Variants in TTN observed in about 807,000 individuals in gnomAD.
TTN encodes titin, also known as connectin.
In TTN, 1,525 loss-of-function variants were observed where a neutral mutation model predicts 3,223.0. The observed-to-expected ratio is 0.47, with a 90% confidence interval of 0.45 to 0.49. The LOEUF is 0.49. Among genes scored for constraint, TTN ranks in the 20% least tolerant of loss-of-function variants. TTN has a pLI of 0.00. For missense variants in TTN, 40,786 were observed against 43,424.0 expected (o/e 0.94, Z 5.40); for synonymous variants, 14,094 against 15,161.0 (o/e 0.93, Z 5.17).
chr2:178,560,871 T>C lies in TTN; in HGVS notation c.85261A>G (p.Ile28421Val), dbSNP rs371356428. The change falls in exon 326 of 363, where the codon ATA becomes GTA. Residue 28421 changes from isoleucine (I) to valine (V), a missense_variant. Physicochemically the swap from Ile to Val is conservative, Grantham distance 29. Transcript: ENST00000589042. ...ACATATTGCCCAGTGTCTCGTCTTATACAGTCTTTAACTGTTAACAAAGTA... is the reference window on the plus strand; with the variant it reads ...ACATATTGCCCAGTGTCTCGTCTTACACAGTCTTTAACTGTTAACAAAGTA... ...NHTLLTVKDC[I>V]RRDTGQYVLT... 3.7e-6 allele frequency: 6 copies of C among 1,613,628 alleles called. No homozygotes were observed. Among genetic ancestry groups the C allele is most frequent in the East Asian group, 4.5e-5 (2 of 44,790 alleles).
intron 344 of TTN, among the ~76,000 whole-genome samples, chr2:178,544,840 G>A (rs1696286861): frequency 6.6e-6 from 1 of 152,106 alleles, no homozygotes; most frequent in South Asian, 2.1e-4. Context: ...CTTTCACTGG[G>A]TTAGTATCAC....
chr2:178,713,088 T>G lies in TTN; in HGVS notation c.27046A>C (p.Arg9016=). The change falls in exon 93 of 363, where the codon AGA becomes CGA. Residue 9016 remains arginine, a synonymous_variant. Coordinates refer to ENST00000589042, the MANE Select transcript of TTN (RefSeq NM_001267550.2). ...TTTTACTGTTTTGTAAACTGACCTC[T>G]CACAGTCAAAGGAGCACTACATTCA... The part of the protein sequence containing the change: ...SDECSAPLTV[R]EPPSFVQKPD... 1 of 1,612,070 alleles carries G rather than the reference T, an allele frequency of 6.2e-7. No homozygotes were observed.
intron 292 of TTN, 40 bp from the exon 293 acceptor site, chr2:178,598,098 C>T: frequency 4.4e-6 from 7 of 1,585,518 alleles, no homozygotes; most frequent in Non-Finnish European, 6.0e-6. Context: ...TAGAATAGTT[C>T]TTTGTAGCTT....
At position 178,556,832 on chromosome 2, in the gene TTN, T is replaced by G; in HGVS notation, c.88306+16A>C. The G allele has an allele frequency of 6.2e-7, 1 of 1,612,102 alleles. No homozygotes were observed. Among genetic ancestry groups the G allele is most frequent in the African/African-American group, 1.3e-5 (1 of 75,050 alleles). ...GTTAAATAGCAATTTTGATTCAAAG[T>G]GCTAAGCATGCTTACCATAAGAATC... On this transcript the variant is annotated intron_variant, in intron 330 of 362. Transcript: ENST00000589042.
chr2:178,703,830 C>T (rs2075403423), intron 106 of TTN, among the ~76,000 whole-genome samples: 1 of 152,146 alleles, frequency 6.6e-6, no homozygotes, highest in South Asian at 2.1e-4. Context: ...GAGATCTTGT[C>T]CTTTCCTAGC....
At position 178,741,549 on chromosome 2, in the gene TTN, C is replaced by G; in HGVS notation, c.11684G>C (p.Ser3895Thr). The G allele has an allele frequency of 1.2e-6, 2 of 1,613,856 alleles. No individual in the cohort carries two copies. The highest frequency in any genetic ancestry group is 1.7e-6 in the Non-Finnish European group (2 of 1,179,810). Residue 3895 changes from serine (S) to threonine (T), a missense_variant, in exon 48 of 363, where the codon AGT becomes ACT. Ser to Thr is a moderately conservative substitution (Grantham distance 58). Coordinates refer to ENST00000589042, the MANE Select transcript of TTN (RefSeq NM_001267550.2). ...ACATATTGTCTTTCCATAGTCATTA[C>G]TGGCCATACATGTATACTCTCCCTC... ...EDEGEYTCMASNDYGKTICSA... is the reference protein window; with the variant it reads ...EDEGEYTCMATNDYGKTICSA...
Position 178,741,117 on chromosome 2 carries a change from G to C in TTN, c.12116C>G (p.Pro4039Arg), listed in dbSNP as rs752422428. ...CTCTGGTGTGGACTTTGCTTTGCAG[G>C]GGGTATCAGTCATGTCTGTGTCTTC... The part of the protein sequence containing the change: ...LLEDTDMTDT[P>R]CKAKSTPEAP... The change falls in exon 48 of 363, where the codon CCC (proline) becomes CGC (arginine). Residue 4039 changes from proline to arginine, a missense_variant. Transcript: ENST00000589042. 4.3e-6 allele frequency: 7 copies of C among 1,613,608 alleles called. No homozygotes were observed. Among genetic ancestry groups the C allele is most frequent in the Non-Finnish European group, 8.5e-7 (1 of 1,179,822 alleles).
Position 178,528,527 on chromosome 2 carries a change from C to T in TTN, c.107223+1G>A, listed in dbSNP as rs876658102. The T allele has an allele frequency of 6.2e-7, 1 of 1,602,224 alleles. No individual in the cohort carries two copies. The highest frequency in any genetic ancestry group is 8.5e-7 in the Non-Finnish European group (1 of 1,173,080). ...AATAATATATTCATAATTAAACTTA[C>T]TGGCAGGTTGTTTTTAAACCATTCG... On this transcript the variant is annotated splice_donor_variant, in intron 360 of 362. Transcript: ENST00000589042. LOFTEE classifies it high-confidence loss of function.
In TTN at chr2:178,548,362, G is replaced by A. The variant is rs751923958; in HGVS notation, c.93264C>T (p.Phe31088=). 11 of 1,613,726 alleles carry A rather than the reference G, an allele frequency of 6.8e-6. No individual in the cohort carries two copies. The highest frequency in any genetic ancestry group is 8.5e-6 in the Non-Finnish European group (10 of 1,179,832). ...CATACTCATTTACTGCAGAAACACG[G>A]AAATAGTACGGAACACCTTCGGCCA... ...NDLAEGVPYY[F]RVSAVNEYGV... is the part of the protein sequence containing the mutation. The change falls in exon 339 of 363, where the codon TTC becomes TTT. Residue 31088 remains phenylalanine (F), a synonymous_variant. Transcript: ENST00000589042. The surrounding 1 kb of genome is among the most constrained non-coding windows in gnomAD (Gnocchi z 4.3).
Position 178,612,969 on chromosome 2 carries a change from C to T in TTN, c.49752G>A (p.Glu16584=), listed in dbSNP as rs763652368. 3 of 1,612,746 alleles carry T rather than the reference C, an allele frequency of 1.9e-6. No individual in the cohort carries two copies. Among genetic ancestry groups the T allele is most frequent in the Non-Finnish European group, 1.7e-6 (2 of 1,179,258 alleles). Residue 16584 remains glutamate (E), a synonymous_variant, in exon 265 of 363, where the codon GAG becomes GAA. Coordinates refer to ENST00000589042, the MANE Select transcript of TTN (RefSeq NM_001267550.2). ...TCTTCAGCATTTCAATGACATAAGA[C>T]TCAATCTTTGCACCTCCATCATGTT... ...KPEHDGGAKI[E]SYVIEMLKTG...
chr2:178,728,531 G>A lies in TTN; in HGVS notation c.19395C>T (p.Ser6465=). The change falls in exon 66 of 363, where the codon AGC becomes AGT. Residue 6465 remains serine, a synonymous_variant. Coordinates refer to ENST00000589042, the MANE Select transcript of TTN (RefSeq NM_001267550.2). The part of the protein sequence containing the change: ...YTFKVENDFG[S]SSCDAYLRVL... ...CTCTTAAGTAGGCATCACAGCTACT[G>A]CTTCCGAAGTCATTTTCCACCTTGA... The A allele has an allele frequency of 6.2e-7, 1 of 1,612,202 alleles. No homozygotes were observed.
chr2:178,704,773 A>G lies in TTN; in HGVS notation c.29699T>C (p.Val9900Ala). 1 of 1,609,448 alleles carries G rather than the reference A, an allele frequency of 6.2e-7. No individual in the cohort carries two copies. Among genetic ancestry groups the G allele is most frequent in the Non-Finnish European group, 8.5e-7 (1 of 1,178,742 alleles). ...IQQRLSQTEP[V>A]TLIKDIENQT... is the part of the protein sequence containing the mutation. ...ATTTTCAATGTCCTTGATCAGAGTGACAGGCTAGGAGAATAAAGAATTAAA... is the reference window on the plus strand; with the variant it reads ...ATTTTCAATGTCCTTGATCAGAGTGGCAGGCTAGGAGAATAAAGAATTAAA... The change falls in exon 105 of 363, where the codon GTC becomes GCC. Residue 9900 changes from valine to alanine, a missense_variant. Physicochemically the swap from Val to Ala is moderately conservative, Grantham distance 64. Transcript: ENST00000589042.
intron 18 of TTN, 73 bp from the exon 19 acceptor site, chr2:178,782,675 G>A: frequency 6.2e-7 from 1 of 1,604,244 alleles, no homozygotes; most frequent in South Asian, 1.1e-5. Context: ...CAGTTAAATT[G>A]ACCATATAAT....
Position 178,667,452 on chromosome 2 carries a change from T to C in TTN, c.35703A>G (p.Pro11901=). 2.5e-6 allele frequency: 4 copies of C among 1,601,460 alleles called. No individual in the cohort carries two copies. Among genetic ancestry groups the C allele is most frequent in the Non-Finnish European group, 3.4e-6 (4 of 1,176,822 alleles). ...GTATTTGAAATATACCTTTAGTTGC[T>C]GGTGTTTCTCTCTTTTTAGGAATAG... The part of the protein sequence containing the change: ...YVTIPKKRET[P]ATKEPDTTRG... Residue 11901 remains proline, a synonymous_variant, in exon 161 of 363, where the codon CCA becomes CCG. Coordinates refer to ENST00000589042, the MANE Select transcript of TTN (RefSeq NM_001267550.2).
intron 99 of TTN, among the ~76,000 whole-genome samples, chr2:178,708,964 TTCATTTTC>T (rs2076257172): frequency 6.6e-6 from 1 of 152,214 alleles, no homozygotes; most frequent in African/African-American, 2.4e-5. Context: ...CATGGTCTAT[TTCATTTTC>T]TCAAGCGATG....
Position 178,568,944 on chromosome 2 carries a change from T to A in TTN, c.77188A>T (p.Ile25730Phe). 1.2e-6 allele frequency: 2 copies of A among 1,613,434 alleles called. No homozygotes were observed. The highest frequency in any genetic ancestry group is 1.7e-6 in the Non-Finnish European group (2 of 1,179,580). The change falls in exon 326 of 363, where the codon ATC (isoleucine) becomes TTC (phenylalanine). Residue 25730 changes from isoleucine (I) to phenylalanine (F), a missense_variant. Coordinates refer to ENST00000589042, the MANE Select transcript of TTN (RefSeq NM_001267550.2). ...TKPEHDGGSK[I>F]IQYIVEMQAK... is the part of the protein sequence containing the mutation. ...TGCATTTCCACAATATACTGAATGA[T>A]TTTACTGCCACCATCATGTTCAGGT...
Position 178,730,126 on chromosome 2 carries a change from T to C in TTN, c.18274A>G (p.Thr6092Ala), listed in dbSNP as rs1257068599. Reference protein sequence around the residue: ...YICQLSNDVGTATSKATLFVK... With the variant: ...YICQLSNDVGAATSKATLFVK... ...AAGAGAGTGGCTTTGCTGGTTGCTGTGCCAACATCATTGCTTAGTTGGCAA... is the reference window on the plus strand; with the variant it reads ...AAGAGAGTGGCTTTGCTGGTTGCTGCGCCAACATCATTGCTTAGTTGGCAA... Residue 6092 changes from threonine to alanine, a missense_variant, in exon 62 of 363, where the codon ACA (threonine) becomes GCA (alanine). Coordinates refer to ENST00000589042, the MANE Select transcript of TTN (RefSeq NM_001267550.2). The C allele has an allele frequency of 6.2e-7, 1 of 1,613,048 alleles. No homozygotes were observed.
At chr2:178,704,043 T>A (rs2075445681) in intron 106 of TTN, 104 bp downstream of exon 106, 2 of 1,425,644 alleles carry the variant, frequency 1.4e-6, no homozygotes, top group Non-Finnish European at 1.9e-6. Flanking sequence ...TAAGAACACA[T>A]GACCACTTTG....
chr2:178,591,402 G>A lies in TTN; in HGVS notation c.60323C>T (p.Pro20108Leu), dbSNP rs751528859. The A allele has an allele frequency of 2.5e-6, 4 of 1,612,516 alleles. No homozygotes were observed. The highest frequency in any genetic ancestry group is 3.4e-6 in the Non-Finnish European group (4 of 1,179,178). ...FPAIIRGVPV[P>L]TAKWTTDGSE... ...CCCATCGGTTGTCCACTTTGCAGTA[G>A]GAACAGGCACACCTCTTATAATAGC... Residue 20108 changes from proline (P) to leucine (L), a missense_variant, in exon 304 of 363, where the codon CCT becomes CTT. Pro to Leu is a moderately conservative substitution (Grantham distance 98). Transcript: ENST00000589042.
Sources: gnomAD v4.1 joint callset for allele counts (sites outside exome capture counted in the v4.1 genomes callset) on GRCh38, gnomAD v4.1.1 for gene constraint, Gnocchi (gnomAD v3.1) non-coding constraint, MANE v1.5 for transcripts, NCBI Gene and HGNC (gene_info 2026-07-23, HGNC 2026-07-21) for gene names.